Variants in CNTNAP2 observed in about 807,000 individuals in gnomAD.
CNTNAP2 encodes contactin-associated protein-like 2.
Under a neutral mutation model 155.2 loss-of-function variants are expected in CNTNAP2, and 98 were observed. That is an observed-to-expected ratio of 0.63 (90% CI 0.54 to 0.75). The LOEUF (loss-of-function observed/expected upper bound fraction) is 0.75, where lower values mean the gene tolerates loss of function less well. Among genes scored for constraint, CNTNAP2 ranks in the 30% least tolerant of loss-of-function variants. The pLI is 0.00. For synonymous variants in CNTNAP2, 651 were observed against 631.2 expected, an observed-to-expected ratio of 1.03 and a Z score of -0.47; for missense variants, 1,727 against 1,688.1, an observed-to-expected ratio of 1.02 and a Z score of -0.40.
At chr7:147,830,578 C>T (rs990936585) in intron 13 of CNTNAP2, among the ~76,000 whole-genome samples, 5 of 152,166 alleles carry the variant, frequency 3.3e-5, no homozygotes, top group South Asian at 2.1e-4. Context: ...CCCAAGTATT[C>T]GCCCTGCTTT....
At chr7:146,702,902 C>A (rs6971070) in intron 1 of CNTNAP2, among the ~76,000 whole-genome samples, 10,624 of 152,134 alleles carry the variant, frequency 0.07, 937 homozygotes, top group African/African-American at 0.21. Flanking sequence ...CCAACCAAAT[C>A]ATATATGCAT....
chr7:148,152,568 A>G (rs904249019), intron 17 of CNTNAP2, among the ~76,000 whole-genome samples: 10 of 152,188 alleles, frequency 6.6e-5, no homozygotes, highest in African/African-American at 2.4e-4. Flanking sequence ...ACTCCTGAGC[A>G]TTAAGGGATT....
chr7:147,314,691 A>G (rs1795194538), intron 9 of CNTNAP2, among the ~76,000 whole-genome samples: 1 of 151,212 alleles, frequency 6.6e-6, no homozygotes, highest in Non-Finnish European at 1.5e-5. Context: ...CCTATTATCT[A>G]TGGGCTATTG....
chr7:146,736,926 CAT>C lies in CNTNAP2; in HGVS notation c.98-37333_98-37332del, dbSNP rs561281229. Among the ~76,000 whole-genome samples, 16 of 151,490 alleles carry C rather than the reference CAT, an allele frequency of 1.1e-4. No individual in the cohort carries two copies. In the East Asian group the frequency reaches 1.2e-3, roughly 11 times the overall value. ...GATATATAATTTTAAAATATACACA[CAT>C]ATATATATATAAACTTTTATTCAGG... On this transcript the variant is annotated intron_variant, in intron 1 of 23. Coordinates refer to ENST00000361727, the MANE Select transcript of CNTNAP2 (RefSeq NM_014141.6).
chr7:147,894,965 C>CTTTTTT (rs1175962918), intron 13 of CNTNAP2, among the ~76,000 whole-genome samples: 22 of 36,174 alleles, frequency 6.1e-4, no homozygotes, highest in East Asian at 3.0e-3. Flanking sequence ...TTCTTTCTTT[C>CTTTTTT]TTTTTTTTTT....
At chr7:147,319,502 C>A (rs1053344198) in intron 9 of CNTNAP2, among the ~76,000 whole-genome samples, 2 of 152,128 alleles carry the variant, frequency 1.3e-5, no homozygotes, top group African/African-American at 4.8e-5. Flanking sequence ...CTCAGCCTCC[C>A]TAGTAGCTGG....
At chr7:146,577,335 G>A (rs10273967) in intron 1 of CNTNAP2, among the ~76,000 whole-genome samples, 126,181 of 152,018 alleles carry the variant, frequency 0.83, 52,997 homozygotes, top group African/African-American at 0.9. Flanking sequence ...ATTTGCCTAC[G>A]TTTACAAACA....
chr7:146,312,912 G>A lies in CNTNAP2; in HGVS notation c.97+195939G>A, dbSNP rs1225419099. On this transcript the variant is annotated intron_variant, in intron 1 of 23. Coordinates refer to ENST00000361727, the MANE Select transcript of CNTNAP2 (RefSeq NM_014141.6). The stretch of plus-strand genomic sequence containing the variant: ...TTTCCTTCTTTTTTAAGGGTATATA[G>A]TATTCCATAGTGTATATATACTGCA... 1.3e-5 allele frequency among the ~76,000 whole-genome samples: 2 copies of A among 152,038 alleles called. 1 individual carries two copies. The highest frequency in any genetic ancestry group is 4.1e-4 in the South Asian group (2 of 4,826).
intron 14 of CNTNAP2, among the ~76,000 whole-genome samples, chr7:147,939,377 G>A (rs1800674670): frequency 6.6e-6 from 1 of 151,950 alleles, no homozygotes; most frequent in South Asian, 2.1e-4. Context: ...GGCCCAGGCT[G>A]GAGTGCAGTG....
chr7:146,969,956 G>A (rs1176054599), intron 3 of CNTNAP2, among the ~76,000 whole-genome samples: 5 of 152,106 alleles, frequency 3.3e-5, no homozygotes, highest in Non-Finnish European at 2.9e-5. Context: ...ACAAACAATG[G>A]GGAAAGGATT....
chr7:147,784,494 AATATATATATATATATATATATATATAT>A (rs10528525), intron 13 of CNTNAP2, among the ~76,000 whole-genome samples: 706 of 45,024 alleles, frequency 0.016, 25 homozygotes, highest in African/African-American at 0.022. Flanking sequence ...GCTCTGGACT[AATATATATATATATATATATATATATAT>A]ATATATATAT....
intron 1 of CNTNAP2, among the ~76,000 whole-genome samples, chr7:146,237,058 G>A (rs77072630): frequency 6.6e-6 from 1 of 152,114 alleles, no homozygotes; most frequent in Non-Finnish European, 1.5e-5. Flanking sequence ...AACACGGGGG[G>A]AGCTAAAACA....
rs185649653 is a variant in CNTNAP2, at chr7:147,048,895, A to T, written c.550+4841A>T. Among the ~76,000 whole-genome samples the T allele has an allele frequency of 2.4e-3, 368 of 152,304 alleles. 1 individual carries two copies. The highest frequency in any genetic ancestry group is 3.4e-3 in the Non-Finnish European group (233 of 68,022). On this transcript the variant is annotated intron_variant, in intron 4 of 23. Transcript: ENST00000361727. Reference sequence around the variant, plus strand: ...TCTTAGTTTGGAAAACAAAAATTTAATCATCCTGAAAACTGTCTTTACTGT... The same window carrying T: ...TCTTAGTTTGGAAAACAAAAATTTATTCATCCTGAAAACTGTCTTTACTGT...
intron 15 of CNTNAP2, among the ~76,000 whole-genome samples, chr7:148,091,874 G>A (rs149162363): frequency 2.0e-5 from 3 of 152,268 alleles, no homozygotes; most frequent in African/African-American, 7.2e-5. Context: ...TTTATGACAT[G>A]AAGAAGTTAA....
At chr7:146,676,570 C>T (rs1045029149) in intron 1 of CNTNAP2, among the ~76,000 whole-genome samples, 7 of 151,972 alleles carry the variant, frequency 4.6e-5, no homozygotes, top group African/African-American at 1.7e-4. Flanking sequence ...AGGTAGTAAG[C>T]ATAGCACCTG....
At chr7:146,483,197 A>C (rs534100389) in intron 1 of CNTNAP2, among the ~76,000 whole-genome samples, 1 of 147,324 alleles carries the variant, frequency 6.8e-6, no homozygotes, top group East Asian at 2.1e-4. Flanking sequence ...AATGGCATGA[A>C]CCTGGGAGGC....
At chr7:147,354,091 G>C (rs1796018324) in intron 9 of CNTNAP2, among the ~76,000 whole-genome samples, 1 of 151,790 alleles carries the variant, frequency 6.6e-6, no homozygotes, top group Admixed American at 6.6e-5. Flanking sequence ...AGGTTGCCTA[G>C]TCACTCTGAT....
chr7:147,530,400 G>A (rs565090730), intron 11 of CNTNAP2, among the ~76,000 whole-genome samples: 2 of 152,104 alleles, frequency 1.3e-5, no homozygotes, highest in African/African-American at 4.8e-5. Context: ...GGCTGGTCTC[G>A]AACTTCTGAC....
Position 147,893,071 on chromosome 7 carries a change from C to T in CNTNAP2, c.2099-10494C>T, listed in dbSNP as rs909420666. ...GACTCCACAGGATTTTATCTTGACT[C>T]ATTCTTTGTTTGGCTTATATATTAA... On this transcript the variant is annotated intron_variant, in intron 13 of 23. Coordinates refer to ENST00000361727, the MANE Select transcript of CNTNAP2 (RefSeq NM_014141.6). Among the ~76,000 whole-genome samples the T allele has an allele frequency of 2.6e-5, 4 of 152,282 alleles. No individual in the cohort carries two copies. In the East Asian group the frequency reaches 7.7e-4, roughly 29 times the overall value.
Sources: allele counts gnomAD v4.1 joint callset (sites outside exome capture counted in the v4.1 genomes callset), GRCh38; gene constraint gnomAD v4.1.1; transcripts MANE v1.5; gene names NCBI Gene and HGNC (gene_info 2026-07-23, HGNC 2026-07-21).